SSPN: variants seen among roughly 807,000 people sequenced by gnomAD.
SSPN encodes the protein K-ras oncogene-associated protein.
Under a neutral mutation model 19.1 loss-of-function variants are expected in SSPN, and 15 were observed. The ratio of observed to expected loss-of-function variants is 0.78; its 90% CI spans 0.52 to 1.21. SSPN has a LOEUF of 1.21. SSPN is among the 50% of genes most tolerant of loss of function. SSPN has a pLI of 0.00. For synonymous variants in SSPN, 147 were observed against 140.3 expected (o/e 1.05, Z -0.34); for missense variants, 291 against 314.0 (o/e 0.93, Z 0.55).
Position 26,130,131 on chromosome 12 carries a change from G to A in SSPN, c.-31+7979G>A, listed in dbSNP as rs1272913542. On this transcript the variant is annotated intron_variant, in intron 1 of 2. Coordinates refer to the SSPN transcript ENST00000538142. ...ACCCCATTAAGGACTTTCACAAAGT[G>A]TTCTCTACCATTTCTCTGGAGTCTG... 1.3e-5 allele frequency among the ~76,000 whole-genome samples: 2 copies of A among 152,196 alleles called. 1 individual carries two copies. Among genetic ancestry groups the A allele is most frequent in the Middle Eastern group, 6.3e-3 (2 of 316 alleles).
chr12:26,226,527 G>A (rs1237981525), intron 2 of SSPN, among the ~76,000 whole-genome samples: 1 of 151,972 alleles, frequency 6.6e-6, no homozygotes, highest in Non-Finnish European at 1.5e-5. Flanking sequence ...AGCTGGGACA[G>A]CCCTCTGGGG....
At chr12:26,124,956 TCGCACACACACA>T (rs948485911) in intron 1 of SSPN, 14 of 696,332 alleles carry the variant, frequency 2.0e-5, no homozygotes, top group Non-Finnish European at 3.1e-5. Flanking sequence ...TCCACCGCGC[TCGCACACACACA>T]CGCACACACA....
rs1228286601 is a variant in SSPN at position 26,122,300 on chromosome 12, AGCGGCGGCGGCGGCTGCCGCGGCT to A, written c.-31+151_-31+174del. 57 of 1,164,990 alleles carry A rather than the reference AGCGGCGGCGGCGGCTGCCGCGGCT, an allele frequency of 4.9e-5. No individual in the cohort carries two copies. The African/African-American group carries it at 9.0e-4, about 18-fold the overall frequency. The allele number at this position is 1,164,990 out of a possible 1,614,324, so 72.2% of individuals were successfully genotyped here. ...AGGGGAACGCGGCGGCGGCGGCGGC[AGCGGCGGCGGCGGCTGCCGCGGCT>A]GCCGCCGGGGCGGGGATGCCGGGGT... On this transcript the variant is annotated intron_variant, in intron 1 of 2. Coordinates refer to the SSPN transcript ENST00000538142.
chr12:26,204,136 G>C (rs918777898), intron 1 of SSPN, among the ~76,000 whole-genome samples: 7 of 152,102 alleles, frequency 4.6e-5, no homozygotes, highest in African/African-American at 1.7e-4. Flanking sequence ...TCTTAAGCTC[G>C]TTTTACAGCT....
chr12:26,195,638 C>A lies in SSPN; in HGVS notation c.-35C>A. On this transcript the variant is annotated 5_prime_UTR_variant, in exon 1 of 3. Transcript: ENST00000242729. ...GCGCTCCAGGGCCCAGGGCGCCGCA[C>A]ACGCACCCACCCACCCACCCAGCCT... is the stretch of plus-strand genomic sequence containing the variant. 1.6e-6 allele frequency: 2 copies of A among 1,262,862 alleles called. No homozygotes were observed. The highest frequency in any genetic ancestry group is 1.6e-5 in the African/African-American group (1 of 63,520). 78.2% of individuals were successfully genotyped at this position (1,262,862 alleles called of 1,614,324 possible).
intron 1 of SSPN, among the ~76,000 whole-genome samples, chr12:26,185,467 G>A (rs1000605142): frequency 2.6e-5 from 4 of 152,042 alleles, no homozygotes; most frequent in South Asian, 2.1e-4. Flanking sequence ...GTATTTAGTC[G>A]GTCAGCTCTT....
chr12:26,148,574 C>T (rs180917633), intron 1 of SSPN, among the ~76,000 whole-genome samples: 58 of 152,266 alleles, frequency 3.8e-4, no homozygotes, highest in African/African-American at 1.3e-3. Flanking sequence ...TAACGTTTTA[C>T]GATTTTGGCA....
At chr12:26,167,068 T>C (rs566726974) in intron 1 of SSPN, among the ~76,000 whole-genome samples, 1 of 152,244 alleles carries the variant, frequency 6.6e-6, no homozygotes, top group East Asian at 1.9e-4. Context: ...AAAATAGTTA[T>C]GTTAATTAAA....
chr12:26,171,459 C>T (rs1944653056), intron 1 of SSPN, among the ~76,000 whole-genome samples: 1 of 152,182 alleles, frequency 6.6e-6, no homozygotes, highest in Non-Finnish European at 1.5e-5. Context: ...CTTAATAATA[C>T]TAAAAATTGT....
chr12:26,191,683 C>T (rs1358708393), upstream of SSPN, among the ~76,000 whole-genome samples: 2 of 39,898 alleles, frequency 5.0e-5, no homozygotes, highest in African/African-American at 6.9e-4. Flanking sequence ...GTTCTACACA[C>T]ACACACACAC....
At chr12:26,222,833 G>A (rs4963655) in intron 1 of SSPN, among the ~76,000 whole-genome samples, 43,697 of 151,898 alleles carry the variant, frequency 0.29, 6,488 homozygotes, top group Admixed American at 0.4. Flanking sequence ...CAGCAGGCAT[G>A]TCCACCGTCT....
intron 1 of SSPN, among the ~76,000 whole-genome samples, chr12:26,174,252 G>T (rs1944669687): frequency 6.6e-6 from 1 of 152,186 alleles, no homozygotes; most frequent in East Asian, 1.9e-4. Flanking sequence ...GATCTCTAAA[G>T]ACTATCTTGG....
intron 1 of SSPN, among the ~76,000 whole-genome samples, chr12:26,136,566 C>G (rs1170390803): frequency 6.6e-6 from 1 of 152,142 alleles, no homozygotes; most frequent in African/African-American, 2.4e-5. Context: ...TTATTTTTCC[C>G]ATTTGAGCTG....
intron 1 of SSPN, among the ~76,000 whole-genome samples, chr12:26,163,196 G>A (rs10743574): frequency 0.75 from 113,313 of 152,022 alleles, 42,372 homozygotes; most frequent in Admixed American, 0.83. Flanking sequence ...GAGGGAAGGT[G>A]TAGACCTGAA....
chr12:26,202,254 A>T (rs1334380490), intron 1 of SSPN, among the ~76,000 whole-genome samples: 1 of 152,158 alleles, frequency 6.6e-6, no homozygotes, highest in Non-Finnish European at 1.5e-5. Context: ...ATATTCATGG[A>T]TATGGAACCC....
intron 1 of SSPN, chr12:26,123,748 T>C (rs1194182102): frequency 1.3e-6 from 2 of 1,599,718 alleles, no homozygotes; most frequent in South Asian, 1.1e-5. Context: ...GAGTCTGCAG[T>C]GGTGCAAAAA....
At chr12:26,131,258 G>T (rs753206515) in intron 1 of SSPN, among the ~76,000 whole-genome samples, 1 of 152,168 alleles carries the variant, frequency 6.6e-6, no homozygotes, top group African/African-American at 2.4e-5. Context: ...GGTCCTTAAC[G>T]TCTGTATTTT....
At chr12:26,135,241 G>A (rs958234639) in intron 1 of SSPN, among the ~76,000 whole-genome samples, 2 of 152,130 alleles carry the variant, frequency 1.3e-5, no homozygotes, top group African/African-American at 2.4e-5. Flanking sequence ...GTGTTTACAG[G>A]TTTGCTGGGC....
At chr12:26,159,653 A>G (rs1944576065) in intron 1 of SSPN, among the ~76,000 whole-genome samples, 1 of 152,218 alleles carries the variant, frequency 6.6e-6, no homozygotes, top group South Asian at 2.1e-4. Flanking sequence ...TTTCAAAGGC[A>G]GAAGGGCTGA....
Sources: gnomAD v4.1 joint callset for allele counts (sites outside exome capture counted in the v4.1 genomes callset) on GRCh38, gnomAD v4.1.1 for gene constraint, MANE v1.5 for transcripts, NCBI Gene and HGNC (gene_info 2026-07-23, HGNC 2026-07-21) for gene names.